The following ANGPT1 variants were observed in gnomAD, a reference collection of about 807,000 sequenced individuals.
The protein encoded by ANGPT1 is angiopoietin 1, also known as angiopoietin-1.
Under a neutral mutation model 62.2 loss-of-function variants are expected in ANGPT1, and 17 were observed. The observed-to-expected ratio is 0.27, with a 90% CI of 0.19 to 0.41. The LOEUF is 0.41. ANGPT1 is among the 10% of genes least tolerant of loss of function. ANGPT1 has a pLI of 1.00. For missense variants in ANGPT1, 478 were observed against 594.9 expected (o/e 0.80, Z 2.04); for synonymous variants, 199 against 198.9 (o/e 1.00, Z 0.00).
chr8:107,256,198 C>A (rs1211273046), intron 8 of ANGPT1, among the ~76,000 whole-genome samples: 1 of 152,048 alleles, frequency 6.6e-6, no homozygotes. Context: ...AATAAAAGAG[C>A]AATTATTTCT....
chr8:107,449,999 T>G (rs546940575), intron 1 of ANGPT1, among the ~76,000 whole-genome samples: 2 of 152,182 alleles, frequency 1.3e-5, no homozygotes, highest in South Asian at 4.1e-4. Context: ...TAAGAGTGAA[T>G]TTTGCAATAG....
intron 1 of ANGPT1, among the ~76,000 whole-genome samples, chr8:107,394,321 G>T (rs1413659923): frequency 6.6e-6 from 1 of 152,148 alleles, no homozygotes; most frequent in Non-Finnish European, 1.5e-5. Context: ...GAATATACAA[G>T]CAAGAAACTA....
chr8:107,331,624 C>CA (rs1360899176), intron 3 of ANGPT1, among the ~76,000 whole-genome samples: 1 of 151,978 alleles, frequency 6.6e-6, no homozygotes, highest in African/African-American at 2.4e-5. Flanking sequence ...AGCCTCAGGG[C>CA]TTTTTTTAAG....
chr8:107,390,492 T>C (rs1816814057), intron 1 of ANGPT1, among the ~76,000 whole-genome samples: 3 of 152,114 alleles, frequency 2.0e-5, no homozygotes, highest in Admixed American at 2.0e-4. Context: ...GCTAATGAAA[T>C]AGTTGATATT....
At chr8:107,430,989 G>C (rs1359291273) in intron 1 of ANGPT1, among the ~76,000 whole-genome samples, 1 of 152,202 alleles carries the variant, frequency 6.6e-6, no homozygotes, top group East Asian at 1.9e-4. Context: ...GAGTTTCTAA[G>C]TTAAACTTCC....
intron 3 of ANGPT1, among the ~76,000 whole-genome samples, chr8:107,334,218 T>A (rs1341318803): frequency 6.6e-6 from 1 of 152,082 alleles, no homozygotes; most frequent in East Asian, 1.9e-4. Context: ...AATATGCAGA[T>A]CAGTAGGGAA....
At chr8:107,385,162 A>G (rs1400051952) in intron 1 of ANGPT1, among the ~76,000 whole-genome samples, 3 of 151,990 alleles carry the variant, frequency 2.0e-5, no homozygotes, top group African/African-American at 7.2e-5. Context: ...TTCCAGTTCC[A>G]TGAAAAATGT....
intron 2 of ANGPT1, among the ~76,000 whole-genome samples, chr8:107,340,373 A>C (rs1388936423): frequency 6.6e-6 from 1 of 152,180 alleles, no homozygotes; most frequent in African/African-American, 2.4e-5. Flanking sequence ...CGGGCTACAA[A>C]ATTTTAGTTC....
Position 107,321,927 on chromosome 8 carries a change from G to A in ANGPT1, c.777C>T (p.His259=). The A allele has an allele frequency of 6.2e-7, 1 of 1,613,992 alleles. No homozygotes were observed. The highest frequency in any genetic ancestry group is 1.1e-5 in the South Asian group (1 of 91,088). ...CTTTAGTGCAAAGATTGACAAGGTTGTGGACTGTGTCCATCAGCTCCAGTT... is the reference window on the plus strand; with the variant it reads ...CTTTAGTGCAAAGATTGACAAGGTTATGGACTGTGTCCATCAGCTCCAGTT... ...KQQLELMDTV[H]NLVNLCTKEG... Residue 259 remains histidine, a synonymous_variant, in exon 4 of 9, where the codon CAC becomes CAT. Transcript: ENST00000517746.
chr8:107,375,622 CAAG>C (rs1254688264), intron 1 of ANGPT1, among the ~76,000 whole-genome samples: 1 of 152,136 alleles, frequency 6.6e-6, no homozygotes, highest in African/African-American at 2.4e-5. Context: ...TGAGTGAAGG[CAAG>C]AAGAGTGGAC....
chr8:107,322,817 T>C, intron 3 of ANGPT1: 1 of 236,084 alleles, frequency 4.2e-6, no homozygotes. Context: ...CAATATACAT[T>C]CTCAATCACA....
chr8:107,347,006 A>G lies in ANGPT1; in HGVS notation c.389T>C (p.Ile130Thr), dbSNP rs774874336. The change falls in exon 2 of 9, where the codon ATA becomes ACA. Residue 130 changes from isoleucine to threonine, a missense_variant. Ile to Thr is a moderately conservative substitution (Grantham distance 89). This residue lies in a region of ANGPT1 where 343 missense variants were observed against 355.4 expected (regional missense o/e 0.97). Transcript: ENST00000517746. ...VQNHTATMLEIGTSLLSQTAE... is the reference protein window; with the variant it reads ...VQNHTATMLETGTSLLSQTAE... Reference sequence around the variant, plus strand: ...AGTCTGAGAGAGGAGGCTGGTTCCTATCTCCAGCATGGTAGCCGTGTGGTT... The same window carrying G: ...AGTCTGAGAGAGGAGGCTGGTTCCTGTCTCCAGCATGGTAGCCGTGTGGTT... 6.2e-7 allele frequency: 1 copy of G among 1,613,788 alleles called. No homozygotes were observed. The highest frequency in any genetic ancestry group is 1.1e-5 in the South Asian group (1 of 91,052).
intron 1 of ANGPT1, among the ~76,000 whole-genome samples, chr8:107,477,442 G>T (rs2130512355): frequency 6.6e-6 from 1 of 152,300 alleles, no homozygotes; most frequent in African/African-American, 2.4e-5. Context: ...AGCTTATAAA[G>T]ATAGATTTAA....
chr8:107,437,301 C>T (rs1370627638), intron 1 of ANGPT1, among the ~76,000 whole-genome samples: 1 of 152,144 alleles, frequency 6.6e-6, no homozygotes, highest in African/African-American at 2.4e-5. Flanking sequence ...CTCCTTGACT[C>T]TACAAGAATC....
At chr8:107,337,635 C>T (rs2130125404) in intron 2 of ANGPT1, among the ~76,000 whole-genome samples, 1 of 152,128 alleles carries the variant, frequency 6.6e-6, no homozygotes, top group African/African-American at 2.4e-5. Context: ...TTTTAACTAC[C>T]ACATCTTTCC....
At chr8:107,468,485 G>T (rs187036859) in intron 1 of ANGPT1, among the ~76,000 whole-genome samples, 180 of 151,976 alleles carry the variant, frequency 1.2e-3, no homozygotes, top group Non-Finnish European at 1.2e-3. Flanking sequence ...TCTGTGATTG[G>T]TTACATTTCA....
intron 1 of ANGPT1, among the ~76,000 whole-genome samples, chr8:107,403,329 T>C (rs751889576): frequency 3.3e-5 from 5 of 152,098 alleles, no homozygotes; most frequent in Non-Finnish European, 7.4e-5. Flanking sequence ...ATTAGCCAGT[T>C]TGGGGACTCA....
At chr8:107,462,210 C>G (rs1343378557) in intron 1 of ANGPT1, among the ~76,000 whole-genome samples, 1 of 151,802 alleles carries the variant, frequency 6.6e-6, no homozygotes, top group Non-Finnish European at 1.5e-5. Flanking sequence ...GAAAATGACA[C>G]TGGCAATGAA....
At chr8:107,289,395 G>A (rs1364804020) in intron 6 of ANGPT1, among the ~76,000 whole-genome samples, 1 of 152,058 alleles carries the variant, frequency 6.6e-6, no homozygotes, top group Admixed American at 6.6e-5. Context: ...CTCAGGAAGC[G>A]TTGACTTTTT....
Sources: gnomAD v4.1 joint callset for allele counts (sites outside exome capture counted in the v4.1 genomes callset) on GRCh38, gnomAD v4.1.1 for gene constraint, gnomAD v4.1.1 regional missense constraint, MANE v1.5 for transcripts, NCBI Gene and HGNC (gene_info 2026-07-23, HGNC 2026-07-21) for gene names.